The following DAB1 variants were observed in gnomAD, a reference collection of about 807,000 sequenced individuals.
The protein encoded by DAB1 is disabled homolog 1.
Under a neutral mutation model 64.6 loss-of-function variants are expected in DAB1, and 15 were observed. The ratio of observed to expected loss-of-function variants is 0.23; its 90% confidence interval spans 0.16 to 0.36. The LOEUF (loss-of-function observed/expected upper bound fraction) is 0.36, where lower values mean the gene tolerates loss of function less well. DAB1 is among the 10% of genes least tolerant of loss of function. DAB1 has a pLI of 1.00. For missense variants in DAB1, 596 were observed against 706.7 expected, an observed-to-expected ratio of 0.84 and a Z score of 1.78; for synonymous variants, 235 against 251.9, an observed-to-expected ratio of 0.93 and a Z score of 0.64.
At chr1:58,335,756 GAA>G (rs1443856400) in intron 4 of DAB1, among the ~76,000 whole-genome samples, 1 of 152,176 alleles carries the variant, frequency 6.6e-6, no homozygotes, top group East Asian at 1.9e-4. Context: ...TATAGGGCGT[GAA>G]AAAGAGACAG....
chr1:57,979,502 G>A (rs1480909935), intron 5 of DAB1, among the ~76,000 whole-genome samples: 1 of 152,154 alleles, frequency 6.6e-6, no homozygotes, highest in Non-Finnish European at 1.5e-5. Context: ...ACCGTGGCAT[G>A]TGTATACCTA....
intron 3 of DAB1, chr1:58,480,856 C>A (rs1016067757): frequency 1.8e-5 from 12 of 659,614 alleles, no homozygotes; most frequent in Non-Finnish European, 3.0e-5. Flanking sequence ...CATGATTTGA[C>A]CCTGAATATC....
intron 4 of DAB1, among the ~76,000 whole-genome samples, chr1:58,307,951 C>T (rs559014513): frequency 2.0e-5 from 3 of 152,128 alleles, no homozygotes; most frequent in Admixed American, 1.3e-4. Context: ...GAGGCCATCA[C>T]GGAGAGGTCC....
intron 7 of DAB1, among the ~76,000 whole-genome samples, chr1:57,538,459 T>C (rs563686523): frequency 1.3e-5 from 2 of 152,292 alleles, no homozygotes; most frequent in African/African-American, 4.8e-5. Context: ...CCCTGGAATT[T>C]TGACCAGCAG....
chr1:57,076,675 C>T (rs1004463258), intron 4 of DAB1, among the ~76,000 whole-genome samples: 1 of 152,162 alleles, frequency 6.6e-6, no homozygotes, highest in Non-Finnish European at 1.5e-5. Flanking sequence ...CCCTGGCCTG[C>T]GCTTCATCAG....
intron 5 of DAB1, among the ~76,000 whole-genome samples, chr1:57,929,496 C>T (rs1253184744): frequency 6.6e-6 from 1 of 152,182 alleles, no homozygotes; most frequent in East Asian, 1.9e-4. Flanking sequence ...TTTGCTGTCA[C>T]AGCTAAAATG....
At chr1:57,531,890 C>T (rs915325630) in intron 7 of DAB1, among the ~76,000 whole-genome samples, 17 of 152,048 alleles carry the variant, frequency 1.1e-4, no homozygotes, top group Non-Finnish European at 2.1e-4. Flanking sequence ...TAGTAGCACA[C>T]CATTATAAAG....
intron 7 of DAB1, among the ~76,000 whole-genome samples, chr1:57,622,193 A>G (rs1266551114): frequency 6.6e-6 from 1 of 152,198 alleles, no homozygotes; most frequent in South Asian, 2.1e-4. Flanking sequence ...GTTTCTACCC[A>G]TTAGAAGACA....
At chr1:57,021,718 C>T (rs111512043) in intron 11 of DAB1, among the ~76,000 whole-genome samples, 5 of 152,260 alleles carry the variant, frequency 3.3e-5, no homozygotes, top group South Asian at 2.1e-4. Context: ...AGGTCCTCAG[C>T]GTGTTTTTAA....
chr1:57,087,878 T>C (rs545818011), intron 4 of DAB1, among the ~76,000 whole-genome samples: 150 of 152,294 alleles, frequency 9.8e-4, no homozygotes, highest in African/African-American at 3.3e-3. Context: ...TGTGCAAGAA[T>C]GTCAGTGGCT....
intron 5 of DAB1, among the ~76,000 whole-genome samples, chr1:58,031,611 C>T: frequency 6.6e-6 from 1 of 152,114 alleles, no homozygotes; most frequent in East Asian, 1.9e-4. Flanking sequence ...ATGCTTAAAC[C>T]CTGGGCTCAG....
chr1:57,826,446 G>T (rs982649432), exon 2 of DAB1: 1 of 152,228 alleles, frequency 6.6e-6, no homozygotes, highest in Non-Finnish European at 1.5e-5. Context: ...GGTAATACCT[G>T]ACCTGAATCC....
At chr1:57,268,271 C>A (rs1200448023) in intron 2 of DAB1, among the ~76,000 whole-genome samples, 1 of 152,098 alleles carries the variant, frequency 6.6e-6, no homozygotes, top group Non-Finnish European at 1.5e-5. Context: ...AAAGAAATAG[C>A]GACAGAAACA....
chr1:57,848,247 C>CACA (rs1388203009), intron 1 of DAB1, among the ~76,000 whole-genome samples: 1 of 152,198 alleles, frequency 6.6e-6, no homozygotes, highest in Non-Finnish European at 1.5e-5. Flanking sequence ...AAGTTCCGAA[C>CACA]ACAATGTAGT....
At chr1:57,054,721 A>T (rs1386453723) in intron 9 of DAB1, among the ~76,000 whole-genome samples, 2 of 151,944 alleles carry the variant, frequency 1.3e-5, no homozygotes, top group Non-Finnish European at 2.9e-5. Context: ...TTCGTGATCC[A>T]CCTACCTTGG....
intron 1 of DAB1, among the ~76,000 whole-genome samples, chr1:57,418,962 T>C (rs1040789905): frequency 6.6e-5 from 10 of 152,196 alleles, no homozygotes; most frequent in Non-Finnish European, 1.5e-5. Context: ...ATCCAGGTGA[T>C]TAATTTGATT....
chr1:57,648,320 C>T (rs751509343), intron 7 of DAB1, among the ~76,000 whole-genome samples: 4 of 152,132 alleles, frequency 2.6e-5, no homozygotes, highest in Non-Finnish European at 4.4e-5. Context: ...CCCCCGACCC[C>T]AACCCCATTT....
chr1:58,168,569 T>C (rs1021593766), intron 4 of DAB1, among the ~76,000 whole-genome samples: 1 of 152,100 alleles, frequency 6.6e-6, no homozygotes, highest in Non-Finnish European at 1.5e-5. Context: ...CTTCTTTAGG[T>C]ACACGGGCTC....
chr1:57,959,064 G>A (rs1645455654), intron 5 of DAB1, among the ~76,000 whole-genome samples: 1 of 152,194 alleles, frequency 6.6e-6, no homozygotes, highest in African/African-American at 2.4e-5. Context: ...CTGGCAAGTA[G>A]CAGGCAGAAA....
Sources: allele counts gnomAD v4.1 joint callset (sites outside exome capture counted in the v4.1 genomes callset), GRCh38; gene constraint gnomAD v4.1.1; transcripts MANE v1.5; gene names NCBI Gene and HGNC (gene_info 2026-07-23, HGNC 2026-07-21).